The following SLC27A6 variants were observed in gnomAD, a reference collection of about 807,000 sequenced individuals.
SLC27A6 encodes the protein solute carrier family 27 member 6, also known as long-chain fatty acid transport protein 6.
SLC27A6 carries 74 observed loss-of-function variants against 63.9 expected under a neutral mutation model. The observed-to-expected ratio is 1.16, with a 90% confidence interval of 0.96 to 1.40. SLC27A6 has a LOEUF of 1.40. SLC27A6 is among the 40% of genes most tolerant of loss of function. The pLI, the probability that SLC27A6 is intolerant of heterozygous loss-of-function variation, is 0.00. For missense variants in SLC27A6, 794 were observed against 732.9 expected, an observed-to-expected ratio of 1.08 and a Z score of -0.96; for synonymous variants, 287 against 260.8, an observed-to-expected ratio of 1.10 and a Z score of -0.97.
chr5:128,994,217 CA>C (rs1043330790), intron 4 of SLC27A6, among the ~76,000 whole-genome samples: 52 of 151,946 alleles, frequency 3.4e-4, no homozygotes, highest in African/African-American at 1.2e-3. Flanking sequence ...TAAATCTCTT[CA>C]AAGAAAAAAT....
At chr5:129,003,891 A>C (rs558159742) in intron 4 of SLC27A6, among the ~76,000 whole-genome samples, 2 of 149,454 alleles carry the variant, frequency 1.3e-5, no homozygotes, top group East Asian at 4.0e-4. Flanking sequence ...TTGCTTGAGC[A>C]TGAGAGGTTG....
chr5:129,028,213 A>G (rs1752306809), intron 7 of SLC27A6, 132 bp from the exon 8 acceptor site: 2 of 596,726 alleles, frequency 3.4e-6, no homozygotes, highest in African/African-American at 1.9e-5. Flanking sequence ...AATGCCTTTC[A>G]TCTTGAAAAC....
At chr5:128,971,956 T>G (rs968813774) in intron 1 of SLC27A6, among the ~76,000 whole-genome samples, 1 of 152,186 alleles carries the variant, frequency 6.6e-6, no homozygotes, top group Non-Finnish European at 1.5e-5. Flanking sequence ...AAGGCAGGCC[T>G]GGTGGTGACA....
intron 1 of SLC27A6, among the ~76,000 whole-genome samples, chr5:128,978,475 T>A (rs959914623): frequency 6.6e-6 from 1 of 152,202 alleles, no homozygotes; most frequent in Admixed American, 6.5e-5. Flanking sequence ...TTATTTTTGT[T>A]AGTGACAATA....
intron 6 of SLC27A6, among the ~76,000 whole-genome samples, chr5:129,026,696 G>T (rs1488853293): frequency 6.6e-6 from 1 of 152,058 alleles, no homozygotes; most frequent in Non-Finnish European, 1.5e-5. Context: ...TGCAGAATAA[G>T]CAAAGTGGCA....
chr5:128,981,973 C>T (rs958803091), intron 1 of SLC27A6, among the ~76,000 whole-genome samples: 9 of 151,948 alleles, frequency 5.9e-5, no homozygotes, highest in African/African-American at 2.2e-4. Context: ...GCCACCACAC[C>T]CAGCTAATTT....
chr5:129,020,085 A>G (rs184728501), intron 5 of SLC27A6, among the ~76,000 whole-genome samples: 2 of 152,256 alleles, frequency 1.3e-5, no homozygotes, highest in East Asian at 3.9e-4. Flanking sequence ...AGCAAAATGT[A>G]ACACAGATGA....
At chr5:128,999,637 A>G (rs553511853) in intron 4 of SLC27A6, among the ~76,000 whole-genome samples, 1 of 152,256 alleles carries the variant, frequency 6.6e-6, no homozygotes, top group East Asian at 1.9e-4. Flanking sequence ...ACACCCCGCT[A>G]GTTTATTCCT....
intron 4 of SLC27A6, among the ~76,000 whole-genome samples, chr5:129,006,179 C>T (rs894336467): frequency 1.3e-5 from 2 of 148,492 alleles, no homozygotes; most frequent in African/African-American, 5.0e-5. Flanking sequence ...CCTCCGTTCA[C>T]GCCATTCTCC....
Position 129,023,674 on chromosome 5 carries a change from A to C in SLC27A6, c.1219A>C (p.Arg407=). Residue 407 remains arginine (R), a synonymous_variant, in exon 6 of 10, where the codon AGA becomes CGA. Transcript: ENST00000262462. Reference sequence around the variant, plus strand: ...TGACTTTCAGAAAGATGAACCCATGAGAAATGAGCAGGGTTGGTGTATTCA... The same window carrying C: ...TGACTTTCAGAAAGATGAACCCATGCGAAATGAGCAGGGTTGGTGTATTCA... The part of the protein sequence containing the change: ...KYDFQKDEPM[R]NEQGWCIHVK... 6.2e-7 allele frequency: 1 copy of C among 1,610,904 alleles called. No homozygotes were observed. Among genetic ancestry groups the C allele is most frequent in the Non-Finnish European group, 8.5e-7 (1 of 1,178,622 alleles).
chr5:129,027,437 C>T (rs1752282936), intron 7 of SLC27A6, 106 bp downstream of exon 7: 1 of 786,112 alleles, frequency 1.3e-6, no homozygotes, highest in East Asian at 2.5e-5. Flanking sequence ...AGACAGAGCC[C>T]TTTTATCTCC....
intron 7 of SLC27A6, 75 bp from the exon 8 acceptor site, chr5:129,028,270 A>C: frequency 2.2e-6 from 2 of 923,270 alleles, no homozygotes; most frequent in Non-Finnish European, 3.5e-6. Context: ...CAAATGCAAG[A>C]CATTAAAACT....
intron 4 of SLC27A6, among the ~76,000 whole-genome samples, chr5:128,995,522 A>G (rs1433945646): frequency 6.6e-6 from 1 of 152,204 alleles, no homozygotes; most frequent in Non-Finnish European, 1.5e-5. Flanking sequence ...GTGATGGAGA[A>G]TGATGGACTG....
At chr5:129,022,863 AC>A (rs1488695854) in intron 5 of SLC27A6, among the ~76,000 whole-genome samples, 1 of 152,112 alleles carries the variant, frequency 6.6e-6, no homozygotes, top group African/African-American at 2.4e-5. Context: ...GTTGGACTAA[AC>A]CAGTCTGCAG....
intron 4 of SLC27A6, among the ~76,000 whole-genome samples, chr5:128,996,853 G>C (rs1175357681): frequency 6.6e-6 from 1 of 152,082 alleles, no homozygotes; most frequent in Non-Finnish European, 1.5e-5. Context: ...TTCGTATCTT[G>C]AACTTGTTTG....
chr5:129,016,443 C>T (rs1751900272), intron 5 of SLC27A6, among the ~76,000 whole-genome samples: 2 of 147,394 alleles, frequency 1.4e-5, no homozygotes, highest in South Asian at 4.3e-4. Context: ...TCTGCCAGCA[C>T]TCTTCTAGAT....
chr5:129,013,675 TTTTA>T (rs940267833), intron 4 of SLC27A6, among the ~76,000 whole-genome samples: 8 of 152,032 alleles, frequency 5.3e-5, no homozygotes, highest in African/African-American at 9.7e-5. Flanking sequence ...AGGTTTTAGG[TTTTA>T]TTTATTTATT....
At chr5:128,982,104 A>G (rs257905) in intron 1 of SLC27A6, among the ~76,000 whole-genome samples, 100,487 of 151,932 alleles carry the variant, frequency 0.66, 33,903 homozygotes, top group East Asian at 0.88. Context: ...ATGAGCCACC[A>G]CGCCTGGCCA....
chr5:128,985,392 A>G, intron 2 of SLC27A6, 56 bp downstream of exon 2: 1 of 1,451,486 alleles, frequency 6.9e-7, no homozygotes, highest in Non-Finnish European at 9.6e-7. Context: ...GCAAAGCAAC[A>G]GTGTTGGGCA....
Sources: gnomAD v4.1 joint callset for allele counts (sites outside exome capture counted in the v4.1 genomes callset) on GRCh38, gnomAD v4.1.1 for gene constraint, MANE v1.5 for transcripts, NCBI Gene and HGNC (gene_info 2026-07-23, HGNC 2026-07-21) for gene names.